Variants in CNBD2 observed in about 807,000 individuals in gnomAD.
CNBD2 encodes cyclic nucleotide-binding domain-containing protein 2.
CNBD2 carries 64 observed loss-of-function variants against 63.7 expected under a neutral mutation model. The observed-to-expected ratio is 1.00, with a 90% CI of 0.82 to 1.24. The LOEUF (loss-of-function observed/expected upper bound fraction) is 1.24. CNBD2 is among the 50% of genes most tolerant of loss of function. The pLI is 0.00. For missense variants in CNBD2, 691 were observed against 713.5 expected (o/e 0.97, Z 0.36); for synonymous variants, 229 against 255.4 (o/e 0.90, Z 0.99).
intron 10 of CNBD2, among the ~76,000 whole-genome samples, chr20:36,017,781 G>A (rs1306524554): frequency 1.3e-5 from 2 of 152,120 alleles, no homozygotes; most frequent in Non-Finnish European, 2.9e-5. Flanking sequence ...TTCAAGGGGC[G>A]TAATTTCCAG....
Position 36,015,838 on chromosome 20 carries a change from A to G in CNBD2, c.1269+4581A>G, listed in dbSNP as rs570151663. 3.8e-4 allele frequency among the ~76,000 whole-genome samples: 58 copies of G among 152,388 alleles called. No individual in the cohort carries two copies. The South Asian group carries it at 0.012, about 32-fold the overall frequency. On this transcript the variant is annotated intron_variant, in intron 10 of 11. Transcript: ENST00000373973. Reference sequence around the variant, plus strand: ...AAATCTCCCTGCAGAATAAATTTCAAGCAATTTATGTAGATACTCTGTCTT... The same window carrying G: ...AAATCTCCCTGCAGAATAAATTTCAGGCAATTTATGTAGATACTCTGTCTT...
intron 11 of CNBD2, among the ~76,000 whole-genome samples, chr20:36,026,884 C>G (rs1209406279): frequency 6.6e-6 from 1 of 152,232 alleles, no homozygotes; most frequent in African/African-American, 2.4e-5. Context: ...CTTTCCCTTC[C>G]ACCTGATTAA....
chr20:36,026,165 C>A (rs533420632), intron 11 of CNBD2, among the ~76,000 whole-genome samples: 1 of 152,242 alleles, frequency 6.6e-6, no homozygotes, highest in African/African-American at 2.4e-5. Context: ...TCCCCAGTAG[C>A]TGGGACAACA....
intron 4 of CNBD2, among the ~76,000 whole-genome samples, chr20:35,982,634 C>T (rs1245623547): frequency 6.6e-6 from 1 of 152,184 alleles, no homozygotes; most frequent in Non-Finnish European, 1.5e-5. Flanking sequence ...AAGTAGCCTG[C>T]ACTGACATCT....
intron 1 of CNBD2, among the ~76,000 whole-genome samples, chr20:35,970,601 T>A (rs934872904): frequency 1.2e-4 from 18 of 152,076 alleles, no homozygotes; most frequent in African/African-American, 4.1e-4. Flanking sequence ...TTTCACCATG[T>A]TGGCCAGACT....
intron 11 of CNBD2, among the ~76,000 whole-genome samples, chr20:36,024,739 C>G (rs906410823): frequency 6.6e-6 from 1 of 152,044 alleles, no homozygotes; most frequent in African/African-American, 2.4e-5. Context: ...GACCAGCTGG[C>G]CAACATGGTG....
intron 11 of CNBD2, among the ~76,000 whole-genome samples, chr20:36,024,266 C>G (rs549571385): frequency 1.3e-5 from 2 of 152,078 alleles, no homozygotes; most frequent in Admixed American, 6.6e-5. Context: ...ACCCGGGAGA[C>G]AGAGGTTGCA....
intron 10 of CNBD2, among the ~76,000 whole-genome samples, chr20:36,023,184 C>T (rs1257849096): frequency 6.6e-6 from 1 of 152,092 alleles, no homozygotes; most frequent in Non-Finnish European, 1.5e-5. Context: ...TCAGTGATCC[C>T]AGATAAATTC....
chr20:36,026,153 C>G (rs2057280621), intron 11 of CNBD2, among the ~76,000 whole-genome samples: 1 of 152,138 alleles, frequency 6.6e-6, no homozygotes, highest in African/African-American at 2.4e-5. Context: ...CCCACCTCAG[C>G]CTCCCCAGTA....
chr20:36,015,731 C>G (rs559368175), intron 10 of CNBD2, among the ~76,000 whole-genome samples: 5 of 151,942 alleles, frequency 3.3e-5, no homozygotes, highest in Admixed American at 2.6e-4. Flanking sequence ...TGGATTATAA[C>G]CAAAAGTACA....
At chr20:35,990,500 G>A (rs949599589) in intron 7 of CNBD2, among the ~76,000 whole-genome samples, 1 of 151,962 alleles carries the variant, frequency 6.6e-6, no homozygotes, top group East Asian at 1.9e-4. Context: ...ACATGGTGGC[G>A]CATGCCTAAT....
intron 8 of CNBD2, among the ~76,000 whole-genome samples, chr20:35,997,682 C>T (rs1032867175): frequency 6.6e-6 from 1 of 152,148 alleles, no homozygotes; most frequent in African/African-American, 2.4e-5. Flanking sequence ...TATAAAAACT[C>T]TTAGAACACT....
chr20:35,992,466 G>T (rs2056760378), intron 7 of CNBD2, among the ~76,000 whole-genome samples: 1 of 152,184 alleles, frequency 6.6e-6, no homozygotes, highest in African/African-American at 2.4e-5. Context: ...CCCAGAGATT[G>T]ATTCATTAAC....
intron 8 of CNBD2, among the ~76,000 whole-genome samples, chr20:36,006,963 G>A (rs534648505): frequency 3.9e-5 from 6 of 152,122 alleles, no homozygotes; most frequent in Non-Finnish European, 8.8e-5. Context: ...GCCGAGGCAG[G>A]TGGCTCATGA....
intron 11 of CNBD2, among the ~76,000 whole-genome samples, chr20:36,024,521 C>T (rs1030617223): frequency 1.3e-5 from 2 of 151,540 alleles, no homozygotes; most frequent in Non-Finnish European, 2.9e-5. Context: ...CCCAGCTACT[C>T]GGGAGGCTGA....
At chr20:36,011,944 G>C (rs1337509313) in intron 10 of CNBD2, among the ~76,000 whole-genome samples, 1 of 152,078 alleles carries the variant, frequency 6.6e-6, no homozygotes, top group Non-Finnish European at 1.5e-5. Flanking sequence ...AATCACTTGA[G>C]GTCAGGAGTT....
At chr20:35,960,510 T>A (rs1440719894) in intron 2 of CNBD2, among the ~76,000 whole-genome samples, 1 of 152,164 alleles carries the variant, frequency 6.6e-6, no homozygotes, top group Non-Finnish European at 1.5e-5. Context: ...CCACTAATTG[T>A]TTTTTTGTTT....
At chr20:36,020,899 G>A (rs1023858336) in intron 10 of CNBD2, among the ~76,000 whole-genome samples, 1 of 152,174 alleles carries the variant, frequency 6.6e-6, no homozygotes, top group African/African-American at 2.4e-5. Context: ...CTCCACCCCA[G>A]TCTTGCCAAA....
At chr20:35,994,990 T>C in intron 7 of CNBD2, 48 bp from the exon 8 acceptor site, 1 of 1,338,240 alleles carries the variant, frequency 7.5e-7, no homozygotes, top group Non-Finnish European at 1.1e-6. Context: ...CTGGCCTACC[T>C]GGAGCCTTAG....
Sources: gnomAD v4.1 joint callset for allele counts (sites outside exome capture counted in the v4.1 genomes callset) on GRCh38, gnomAD v4.1.1 for gene constraint, MANE v1.5 for transcripts, NCBI Gene and HGNC (gene_info 2026-07-23, HGNC 2026-07-21) for gene names.